The following CAPZB variants were observed in gnomAD, a reference collection of about 807,000 sequenced individuals.
The protein encoded by CAPZB is capping actin protein of muscle Z-line subunit beta.
Under a neutral mutation model 38.1 loss-of-function variants are expected in CAPZB, and 2 were observed. That is an observed-to-expected ratio of 0.05 (90% CI 0.02 to 0.17). CAPZB has a LOEUF of 0.17. CAPZB is among the 10% of genes least tolerant of loss of function. The probability of loss-of-function intolerance (pLI) is 1.00; values close to 1 mark genes in which losing one functional copy is unlikely to be tolerated. For synonymous variants in CAPZB, 107 were observed against 127.4 expected, an observed-to-expected ratio of 0.84 and a Z score of 1.08; for missense variants, 161 against 334.2, an observed-to-expected ratio of 0.48 and a Z score of 4.04.
Position 19,372,892 on chromosome 1 carries a change from G to T in CAPZB, c.329+5648C>A, listed in dbSNP as rs1011538176. ...AGAATAGCCTAGATGTTGGGGACCA[G>T]GTGGGTGGGCTGGCTGGGAGGGGAA... On this transcript the variant is annotated intron_variant, in intron 4 of 8. Transcript: ENST00000264202. Among the ~76,000 whole-genome samples the T allele has an allele frequency of 5.3e-5, 8 of 152,156 alleles. 1 individual carries two copies. Among genetic ancestry groups the T allele is most frequent in the Admixed American group, 4.6e-4 (7 of 15,280 alleles).
At chr1:19,352,180 T>C (rs2093995158) in intron 6 of CAPZB, among the ~76,000 whole-genome samples, 1 of 152,214 alleles carries the variant, frequency 6.6e-6, no homozygotes, top group Admixed American at 6.5e-5. Flanking sequence ...AAAAATATAC[T>C]GCCTGGCCTA....
chr1:19,425,785 T>G (rs1191722424), intron 1 of CAPZB, among the ~76,000 whole-genome samples: 1 of 152,220 alleles, frequency 6.6e-6, no homozygotes, highest in Non-Finnish European at 1.5e-5. Flanking sequence ...TGAAATCATC[T>G]GCATACAGGA....
At chr1:19,354,386 A>C (rs937595866) in intron 6 of CAPZB, among the ~76,000 whole-genome samples, 1 of 152,164 alleles carries the variant, frequency 6.6e-6, no homozygotes, top group African/African-American at 2.4e-5. Context: ...TTTGCTCAGA[A>C]GCTGTGCATC....
chr1:19,366,201 C>T (rs1162821142), intron 4 of CAPZB, among the ~76,000 whole-genome samples: 3 of 150,124 alleles, frequency 2.0e-5, no homozygotes, highest in Admixed American at 1.3e-4. Flanking sequence ...AATCCCAGCA[C>T]TTTGGGAGGC....
Position 19,391,840 on chromosome 1 carries a change from T to C in CAPZB, c.94-6214A>G, listed in dbSNP as rs1403510344. On this transcript the variant is annotated intron_variant, in intron 2 of 8. Transcript: ENST00000264202. ...GGCTCAGCACGGGAAGAGATGGACA[T>C]GGGCGGCCCTGCTCTGACAGCAAAG... Among the ~76,000 whole-genome samples, 7 of 152,146 alleles carry C rather than the reference T, an allele frequency of 4.6e-5. 1 individual carries two copies. The South Asian group carries it at 1.4e-3, about 32-fold the overall frequency.
chr1:19,378,423 AAC>A (rs1460625437), intron 4 of CAPZB, 115 bp downstream of exon 4: 1 of 677,430 alleles, frequency 1.5e-6, no homozygotes, highest in Non-Finnish European at 2.7e-6. Flanking sequence ...TTGGCCGGGT[AAC>A]AGATTCAAGG....
In CAPZB at chr1:19,383,446, C is replaced by CAAAAAA. The variant is rs528617668; in HGVS notation, c.215+2053_215+2058dup. Among the ~76,000 whole-genome samples the CAAAAAA allele has an allele frequency of 4.6e-3, 545 of 118,014 alleles. 13 individuals are homozygous for CAAAAAA. The East Asian group carries it at 0.071, about 15-fold the overall frequency. The allele number at this position is 118,014 out of a possible 152,430, so 77.4% of individuals were successfully genotyped here. ...TGGACAACAGAGTGAGACTCTGTCT[C>CAAAAAA]AAAAAAAAAAAAAAAAAAAATTAGC... On this transcript the variant is annotated intron_variant, in intron 3 of 8. Coordinates refer to ENST00000264202, the MANE Select transcript of CAPZB (RefSeq NM_004930.5).
At chr1:19,481,397 C>T (rs952824274) in intron 1 of CAPZB, among the ~76,000 whole-genome samples, 2 of 152,196 alleles carry the variant, frequency 1.3e-5, no homozygotes, top group African/African-American at 4.8e-5. Context: ...GGGCCCTCTG[C>T]TCACTGTGTT....
At chr1:19,353,386 C>T (rs1187749765) in intron 6 of CAPZB, among the ~76,000 whole-genome samples, 1 of 152,088 alleles carries the variant, frequency 6.6e-6, no homozygotes, top group Admixed American at 6.5e-5. Context: ...GAGTGAGGGG[C>T]TCTCATCTGA....
intron 4 of CAPZB, among the ~76,000 whole-genome samples, chr1:19,377,689 TAC>T (rs1400575254): frequency 2.2e-4 from 34 of 152,372 alleles, no homozygotes; most frequent in Non-Finnish European, 4.6e-4. Flanking sequence ...TTGCCTATTT[TAC>T]AGTTTTGCTG....
intron 1 of CAPZB, chr1:19,484,641 G>C: frequency 8.5e-7 from 1 of 1,171,458 alleles, no homozygotes; most frequent in Non-Finnish European, 1.1e-6. Context: ...AGGCTGCAAA[G>C]AAGGCGCGCC....
chr1:19,383,409 T>C (rs187872308), intron 3 of CAPZB, among the ~76,000 whole-genome samples: 6 of 142,242 alleles, frequency 4.2e-5, no homozygotes, highest in Admixed American at 2.2e-4. Flanking sequence ...ATCGTGCCAC[T>C]GCACTCCAAC....
chr1:19,352,126 C>T (rs7533604), intron 6 of CAPZB, among the ~76,000 whole-genome samples: 10,059 of 152,326 alleles, frequency 0.066, 1,105 homozygotes, highest in African/African-American at 0.23. Flanking sequence ...GGCCCACCCT[C>T]TGTTCCCTGC....
Position 19,356,817 on chromosome 1 carries a change from G to T in CAPZB, c.472-66C>A. 1 of 1,005,748 alleles carries T rather than the reference G, an allele frequency of 9.9e-7. No homozygotes were observed. 62.3% of individuals were successfully genotyped at this position (1,005,748 alleles called of 1,614,324 possible). A position where few individuals can be genotyped will look rare whatever the true frequency, so the allele number is the denominator to read the frequency against. On this transcript the variant is annotated intron_variant, in intron 5 of 8. Transcript: ENST00000264202. The surrounding 1 kb of genome is among the most constrained non-coding windows in gnomAD (Gnocchi z 4.3). Reference sequence around the variant, plus strand: ...CCTGAAGTGGCCCCTGGAATTCAGGGTCATCCTAACATCTCCCTTCCTAGG... The same window carrying T: ...CCTGAAGTGGCCCCTGGAATTCAGGTTCATCCTAACATCTCCCTTCCTAGG...
At position 19,400,808 on chromosome 1, in the gene CAPZB, T is replaced by C. The variant is rs891833622; in HGVS notation, c.94-15182A>G. 5.3e-5 allele frequency among the ~76,000 whole-genome samples: 8 copies of C among 152,182 alleles called. No homozygotes were observed. In the East Asian group the frequency reaches 1.3e-3, roughly 26 times the overall value. The stretch of plus-strand genomic sequence containing the variant: ...GACAAGGCCAAGGAACGGGCCTATA[T>C]GCACTTCACTTGAATTATGCCTCCT... On this transcript the variant is annotated intron_variant, in intron 2 of 8. Transcript: ENST00000264202.
chr1:19,338,868 T>C lies in CAPZB; in HGVS notation c.*662A>G, dbSNP rs529493342. 3 of 152,578 alleles carry C rather than the reference T, an allele frequency of 2.0e-5. No individual in the cohort carries two copies. Among genetic ancestry groups the C allele is most frequent in the Admixed American group, 2.0e-4 (3 of 15,310 alleles). 9.5% of individuals were successfully genotyped at this position (152,578 alleles called of 1,614,324 possible). ...TAAGATGTAGATTTTTTTCTTAAGCTTTACAAAAAAACAAAATAAAACAAA... is the reference window on the plus strand; with the variant it reads ...TAAGATGTAGATTTTTTTCTTAAGCCTTACAAAAAAACAAAATAAAACAAA... On this transcript the variant is annotated 3_prime_UTR_variant, in exon 9 of 9. Transcript: ENST00000264202.
chr1:19,397,025 C>T (rs1186474371), intron 2 of CAPZB, among the ~76,000 whole-genome samples: 1 of 151,948 alleles, frequency 6.6e-6, no homozygotes, highest in Non-Finnish European at 1.5e-5. Flanking sequence ...TGGGAAAAGA[C>T]CAGGTAAAAA....
At chr1:19,399,034 T>A (rs956847588) in intron 2 of CAPZB, among the ~76,000 whole-genome samples, 6 of 151,958 alleles carry the variant, frequency 3.9e-5, no homozygotes, top group African/African-American at 1.5e-4. Flanking sequence ...TTTTTTTATT[T>A]TTTAGTAGAG....
At chr1:19,397,458 T>C (rs994937511) in intron 2 of CAPZB, among the ~76,000 whole-genome samples, 1 of 152,180 alleles carries the variant, frequency 6.6e-6, no homozygotes, top group African/African-American at 2.4e-5. Flanking sequence ...ATGAAAGCCA[T>C]GCGATCCCAC....
Sources: gnomAD v4.1 joint callset for allele counts (sites outside exome capture counted in the v4.1 genomes callset) on GRCh38, gnomAD v4.1.1 for gene constraint, Gnocchi (gnomAD v3.1) non-coding constraint, MANE v1.5 for transcripts, NCBI Gene and HGNC (gene_info 2026-07-23, HGNC 2026-07-21) for gene names.